Variants in ARPC2 observed in about 807,000 individuals in gnomAD.
ARPC2 encodes actin-related protein 2/3 complex subunit 2.
Under a neutral mutation model 38.6 loss-of-function variants are expected in ARPC2, and 4 were observed. That is an observed-to-expected ratio of 0.10 (90% confidence interval 0.05 to 0.24). The LOEUF is 0.24. Ranked by LOEUF, ARPC2 falls within the 10% of genes least tolerant of loss-of-function variation. ARPC2 has a pLI of 1.00. For synonymous variants in ARPC2, 125 were observed against 140.8 expected (o/e 0.89, Z 0.79); for missense variants, 229 against 387.3 (o/e 0.59, Z 3.43).
chr2:218,239,818 G>T (rs1167729863), intron 7 of ARPC2, among the ~76,000 whole-genome samples: 4 of 151,788 alleles, frequency 2.6e-5, no homozygotes, highest in Non-Finnish European at 5.9e-5. Flanking sequence ...GTCTCAAACT[G>T]CCGACCTCAG....
At position 218,254,046 on chromosome 2, in the gene ARPC2, C is replaced by A; in HGVS notation, c.*131C>A. 3.3e-6 allele frequency: 4 copies of A among 1,202,674 alleles called. No homozygotes were observed. Among genetic ancestry groups the A allele is most frequent in the Admixed American group, 2.3e-5 (1 of 43,464 alleles). The allele number at this position is 1,202,674 out of a possible 1,614,324, so 74.5% of individuals were successfully genotyped here. ...CTCCGTTTTGGTTCCATTTTGTACA[C>A]GTTTGGAAAATAATCTGCAGAAACG... On this transcript the variant is annotated 3_prime_UTR_variant, in exon 11 of 11. Coordinates refer to ENST00000315717, the MANE Select transcript of ARPC2 (RefSeq NM_152862.3).
intron 5 of ARPC2, among the ~76,000 whole-genome samples, chr2:218,237,532 T>TC (rs1443123552): frequency 9.9e-5 from 15 of 151,798 alleles, no homozygotes; most frequent in Non-Finnish European, 2.1e-4. Context: ...AATTTTTTTT[T>TC]TTTTTTAACA....
intron 5 of ARPC2, chr2:218,235,554 T>C (rs1689749616): frequency 6.6e-6 from 1 of 151,746 alleles, no homozygotes. Flanking sequence ...GTCACAGAAA[T>C]AAAAGCCAAG....
chr2:218,231,588 T>G (rs1689635180), intron 4 of ARPC2, among the ~76,000 whole-genome samples: 1 of 152,042 alleles, frequency 6.6e-6, no homozygotes, highest in Admixed American at 6.6e-5. Flanking sequence ...CACCTGAAGG[T>G]CAAGTCTCTC....
At chr2:218,245,130 A>G (rs1225126721) in intron 7 of ARPC2, among the ~76,000 whole-genome samples, 3 of 152,226 alleles carry the variant, frequency 2.0e-5, no homozygotes, top group Non-Finnish European at 4.4e-5. Context: ...CAGAGAAAGT[A>G]TGGTAGTTTA....
At chr2:218,237,620 G>GCAGAGTGGTGCAATAT (rs1366194762) in intron 5 of ARPC2, among the ~76,000 whole-genome samples, 2 of 146,858 alleles carry the variant, frequency 1.4e-5, no homozygotes, top group African/African-American at 5.1e-5. Context: ...GCTCTGTTGT[G>GCAGAGTGGTGCAATAT]CAGTGGTGCA....
At chr2:218,252,860 G>T (rs1690226453) in intron 10 of ARPC2, 1 of 455,908 alleles carries the variant, frequency 2.2e-6, no homozygotes, top group Admixed American at 2.4e-5. Context: ...CCCAGGAAGG[G>T]ATGAATCCTT....
At chr2:218,230,429 C>T (rs1038843434) in intron 4 of ARPC2, among the ~76,000 whole-genome samples, 1 of 150,390 alleles carries the variant, frequency 6.6e-6, no homozygotes, top group African/African-American at 2.4e-5. Flanking sequence ...GTGTCTGGGA[C>T]TACAGGCACG....
intron 3 of ARPC2, chr2:218,226,875 C>T: frequency 3.6e-6 from 1 of 276,202 alleles, no homozygotes; most frequent in South Asian, 2.9e-5. Flanking sequence ...TCTTAGTTTG[C>T]CTAGCACTAG....
At chr2:218,251,331 C>T (rs1166221108) in intron 10 of ARPC2, among the ~76,000 whole-genome samples, 2 of 152,200 alleles carry the variant, frequency 1.3e-5, no homozygotes, top group East Asian at 1.9e-4. Flanking sequence ...CTTGCCTCAG[C>T]CTCCCAAGTA....
rs559423306 is a variant in ARPC2 at position 218,237,955 on chromosome 2, T to C, written c.269-709T>C. On this transcript the variant is annotated intron_variant, in intron 5 of 10. Transcript: ENST00000315717. ...TAGAGTGCCCTACACTTATGTGTCATGCTGCATTTGGCAAGTCACGTCACT... is the reference window on the plus strand; with the variant it reads ...TAGAGTGCCCTACACTTATGTGTCACGCTGCATTTGGCAAGTCACGTCACT... Among the ~76,000 whole-genome samples the C allele has an allele frequency of 1.5e-3, 236 of 152,366 alleles. 1 individual carries two copies. In the South Asian group the frequency reaches 0.047, roughly 30 times the overall value.
chr2:218,225,782 T>G, intron 2 of ARPC2, 138 bp from the exon 3 acceptor site: 1 of 706,944 alleles, frequency 1.4e-6, no homozygotes, highest in Non-Finnish European at 2.5e-6. Flanking sequence ...AAATGAATTG[T>G]GTACTCTGAT....
chr2:218,233,638 TCAG>T (rs1375838284), intron 4 of ARPC2: 2 of 150,026 alleles, frequency 1.3e-5, no homozygotes, highest in African/African-American at 4.9e-5. Flanking sequence ...GCATACAAGA[TCAG>T]CAGACAAACA....
Position 218,217,541 on chromosome 2 carries a change from C to G in ARPC2, c.71C>G (p.Ala24Gly). ...GCGCTCAAGTTCGAGAACGCGGCCG[C>G]CGGGTGAGCGCGCGCCCGGGGCCGG... is the stretch of plus-strand genomic sequence containing the variant. ...TLALKFENAAAGNKPEAVEVT... is the reference protein window; with the variant it reads ...TLALKFENAAGGNKPEAVEVT... The change falls in exon 2 of 11, where the codon GCC (alanine) becomes GGC (glycine). Residue 24 changes from alanine (A) to glycine (G), a missense_variant. By Grantham distance (60) the Ala-to-Gly change is moderately conservative. This residue lies in a region of ARPC2 where 135 missense variants were observed against 214.1 expected (regional missense o/e 0.63). Coordinates refer to ENST00000315717, the MANE Select transcript of ARPC2 (RefSeq NM_152862.3). 2 of 1,611,768 alleles carry G rather than the reference C, an allele frequency of 1.2e-6. No homozygotes were observed. Among genetic ancestry groups the G allele is most frequent in the Non-Finnish European group, 1.7e-6 (2 of 1,178,952 alleles).
intron 2 of ARPC2, among the ~76,000 whole-genome samples, chr2:218,224,139 G>A (rs1031207098): frequency 3.3e-5 from 5 of 152,150 alleles, no homozygotes; most frequent in African/African-American, 7.2e-5. Context: ...AAGATCGATC[G>A]TAGCAACTTT....
intron 7 of ARPC2, among the ~76,000 whole-genome samples, chr2:218,243,646 C>G (rs181906412): frequency 6.6e-6 from 1 of 152,280 alleles, no homozygotes; most frequent in African/African-American, 2.4e-5. Flanking sequence ...AATGATGGCA[C>G]ACGCCTGTAA....
intron 5 of ARPC2, chr2:218,236,792 C>CAA (rs35432585): frequency 0.42 from 58,701 of 140,310 alleles, 13,539 homozygotes; most frequent in South Asian, 0.62. Flanking sequence ...AACTCCATCT[C>CAA]AAAAAAAAAA....
Position 218,249,838 on chromosome 2 carries a change from T to C in ARPC2, c.795T>C (p.Arg265=). 1.2e-6 allele frequency: 2 copies of C among 1,613,792 alleles called. No homozygotes were observed. The highest frequency in any genetic ancestry group is 1.7e-6 in the Non-Finnish European group (2 of 1,179,896). Residue 265 remains arginine (R), a synonymous_variant, in exon 10 of 11, where the codon CGT becomes CGC. Transcript: ENST00000315717. ...IKCSKAYIHT[R]MRAKTSDFLK... ...GTTCCCAGGCCTATATTCACACACG[T>C]ATGCGGGCGAAAACGTCTGACTTCC...
intron 2 of ARPC2, among the ~76,000 whole-genome samples, chr2:218,223,286 T>C (rs1689424992): frequency 6.6e-6 from 1 of 152,256 alleles, no homozygotes; most frequent in Non-Finnish European, 1.5e-5. Context: ...CTAGCATATC[T>C]ACAGTGTGTA....
Sources: gnomAD v4.1 joint callset for allele counts (sites outside exome capture counted in the v4.1 genomes callset) on GRCh38, gnomAD v4.1.1 for gene constraint, gnomAD v4.1.1 regional missense constraint, MANE v1.5 for transcripts, NCBI Gene and HGNC (gene_info 2026-07-23, HGNC 2026-07-21) for gene names.